The following ZFHX3 variants were observed in gnomAD, a reference collection of about 807,000 sequenced individuals.
ZFHX3 encodes the protein zinc finger homeobox 3, also known as zinc finger homeobox protein 3.
In ZFHX3, 42 loss-of-function variants were observed where a neutral mutation model predicts 279.1. The ratio of observed to expected loss-of-function variants is 0.15; its 90% CI spans 0.12 to 0.19. The LOEUF is 0.19. Among genes scored for constraint, ZFHX3 ranks in the 10% least tolerant of loss-of-function variants. The pLI is 1.00. For missense variants in ZFHX3, 4,981 were observed against 4,754.0 expected, an observed-to-expected ratio of 1.05 and a Z score of -1.40; for synonymous variants, 2,293 against 1,957.8, an observed-to-expected ratio of 1.17 and a Z score of -4.52.
intron 1 of ZFHX3, among the ~76,000 whole-genome samples, chr16:73,746,624 A>G (rs2053705923): frequency 6.6e-6 from 1 of 152,188 alleles, no homozygotes; most frequent in African/African-American, 2.4e-5. Flanking sequence ...ATGGAGGACC[A>G]ATTTTCTTAA....
intron 1 of ZFHX3, among the ~76,000 whole-genome samples, chr16:73,759,608 T>C (rs2053842949): frequency 6.6e-6 from 1 of 152,162 alleles, no homozygotes; most frequent in Non-Finnish European, 1.5e-5. Flanking sequence ...CTATTTTAGG[T>C]GAGATAAACT....
chr16:73,652,446 A>G (rs538203587), intron 2 of ZFHX3, among the ~76,000 whole-genome samples: 4 of 152,376 alleles, frequency 2.6e-5, no homozygotes, highest in South Asian at 4.1e-4. Context: ...AAGATTTGCC[A>G]CTGGAATATT....
intron 5 of ZFHX3, among the ~76,000 whole-genome samples, chr16:73,250,634 C>A (rs529837234): frequency 2.0e-5 from 3 of 152,162 alleles, no homozygotes; most frequent in Middle Eastern, 6.8e-3. Flanking sequence ...CCTGGATTCA[C>A]GCCATTCTTC....
At chr16:73,237,722 G>A (rs1307640048) in intron 5 of ZFHX3, among the ~76,000 whole-genome samples, 5 of 151,916 alleles carry the variant, frequency 3.3e-5, no homozygotes, top group African/African-American at 1.2e-4. Flanking sequence ...TCTTCACCAT[G>A]AGGTTTTTTT....
At chr16:72,869,788 T>C (rs1485174368) in intron 4 of ZFHX3, among the ~76,000 whole-genome samples, 1 of 152,244 alleles carries the variant, frequency 6.6e-6, no homozygotes, top group Non-Finnish European at 1.5e-5. Flanking sequence ...TCTCCAAGCA[T>C]ATCCTCACTA....
chr16:73,436,439 G>C (rs189205043), intron 3 of ZFHX3, among the ~76,000 whole-genome samples: 49 of 152,280 alleles, frequency 3.2e-4, no homozygotes, highest in South Asian at 1.7e-3. Context: ...TGAGAACCAA[G>C]TGAAAGGGGT....
chr16:73,570,578 A>G (rs1285931039), intron 2 of ZFHX3, among the ~76,000 whole-genome samples: 1 of 152,214 alleles, frequency 6.6e-6, no homozygotes, highest in East Asian at 1.9e-4. Context: ...GATCTTAAAA[A>G]CATGAGAAAG....
At chr16:73,352,303 A>G (rs2016257053) in intron 3 of ZFHX3, among the ~76,000 whole-genome samples, 1 of 152,120 alleles carries the variant, frequency 6.6e-6, no homozygotes, top group Admixed American at 6.5e-5. Context: ...TTTAATGACA[A>G]AAGGACAATC....
intron 4 of ZFHX3, among the ~76,000 whole-genome samples, chr16:72,878,304 T>C (rs769131799): frequency 1.3e-5 from 2 of 152,218 alleles, no homozygotes; most frequent in African/African-American, 2.4e-5. Context: ...CAAGGCTGCA[T>C]AGCAGATGGC....
chr16:73,208,316 T>C (rs908789984), intron 5 of ZFHX3, among the ~76,000 whole-genome samples: 1 of 152,218 alleles, frequency 6.6e-6, no homozygotes, highest in Non-Finnish European at 1.5e-5. Flanking sequence ...ACACAATACA[T>C]GTTTCTCATA....
intron 5 of ZFHX3, among the ~76,000 whole-genome samples, chr16:73,200,328 ATTT>A (rs1229942807): frequency 6.6e-6 from 1 of 152,102 alleles, no homozygotes; most frequent in Non-Finnish European, 1.5e-5. Context: ...ACTAGGAAAT[ATTT>A]TTTGTTTCAG....
At position 72,796,046 on chromosome 16, in the gene ZFHX3, A is replaced by G; in HGVS notation, c.6636T>C (p.Ser2212=). 1 of 1,614,182 alleles carries G rather than the reference A, an allele frequency of 6.2e-7. No homozygotes were observed. The highest frequency in any genetic ancestry group is 8.5e-7 in the Non-Finnish European group (1 of 1,180,042). Residue 2212 remains serine, a synonymous_variant, in exon 9 of 10, where the codon AGT becomes AGC. Coordinates refer to ENST00000268489, the MANE Select transcript of ZFHX3 (RefSeq NM_006885.4). ...QRNKDSPYNF[S]NPPITSLEEL... is the part of the protein sequence containing the mutation. ...CCTCCAGGCTGGTGATAGGAGGATT[A>G]CTGAAGTTGTAAGGGGAGTCCTTGT... is the stretch of plus-strand genomic sequence containing the variant.
At chr16:73,655,867 T>G (rs1240823768) in intron 2 of ZFHX3, among the ~76,000 whole-genome samples, 2 of 152,232 alleles carry the variant, frequency 1.3e-5, no homozygotes, top group Non-Finnish European at 2.9e-5. Context: ...TACTCCTGGG[T>G]ACATCCACTC....
At position 72,958,206 on chromosome 16, in the gene ZFHX3, G is replaced by C; in HGVS notation, c.1940C>G (p.Thr647Arg). Reference sequence around the variant, plus strand: ...CAGCGAGCGGGAGGAGCCCAGGACCGTGTCGCATTTGGGGCACTCCACGCC... The same window carrying C: ...CAGCGAGCGGGAGGAGCCCAGGACCCTGTCGCATTTGGGGCACTCCACGCC... ...GSGVECPKCD[T>R]VLGSSRSLGG... The change falls in exon 2 of 10, where the codon ACG (threonine) becomes AGG (arginine). Residue 647 changes from threonine (T) to arginine (R), a missense_variant. This residue lies in a region of ZFHX3 where 1,068 missense variants were observed against 935.2 expected (regional missense o/e 1.14). Transcript: ENST00000268489. 1 of 1,611,900 alleles carries C rather than the reference G, an allele frequency of 6.2e-7. No individual in the cohort carries two copies. The highest frequency in any genetic ancestry group is 1.1e-5 in the South Asian group (1 of 91,068).
In ZFHX3 at chr16:73,428,696, A is replaced by ATCC. The variant is rs2017856646; in HGVS notation, c.-1291+27306_-1291+27307insGGA. Among the ~76,000 whole-genome samples, 4 of 152,282 alleles carry ATCC rather than the reference A, an allele frequency of 2.6e-5. No individual in the cohort carries two copies. In the South Asian group the frequency reaches 8.3e-4, roughly 32 times the overall value. ...AATTAATAGACAGACAGAGAGATAG[A>ATCC]ATAAATATGGATCACTACAAGTCAT... On this transcript the variant is annotated intron_variant, in intron 3 of 17. Transcript: ENST00000641206.
intron 3 of ZFHX3, among the ~76,000 whole-genome samples, chr16:73,363,356 C>G (rs145340836): frequency 6.6e-6 from 1 of 152,302 alleles, no homozygotes; most frequent in African/African-American, 2.4e-5. Flanking sequence ...ATTTTAAAAA[C>G]GATTCCAAAT....
chr16:73,438,567 C>T (rs1001440325), intron 3 of ZFHX3, among the ~76,000 whole-genome samples: 7 of 152,164 alleles, frequency 4.6e-5, no homozygotes, highest in Non-Finnish European at 8.8e-5. Context: ...AAACAATAAA[C>T]ATCAAATGCA....
At chr16:73,877,638 TAGAA>T (rs1253509416) in intron 1 of ZFHX3, among the ~76,000 whole-genome samples, 2 of 151,954 alleles carry the variant, frequency 1.3e-5, no homozygotes, top group Admixed American at 1.3e-4. Flanking sequence ...TTAAAAATAA[TAGAA>T]AGAAACAGTA....
chr16:73,720,259 C>A (rs1239880334), intron 1 of ZFHX3, among the ~76,000 whole-genome samples: 1 of 152,110 alleles, frequency 6.6e-6, no homozygotes, highest in Non-Finnish European at 1.5e-5. Flanking sequence ...GACAATCTGG[C>A]AACATTTATC....
Sources: allele counts gnomAD v4.1 joint callset (sites outside exome capture counted in the v4.1 genomes callset), GRCh38; gene constraint gnomAD v4.1.1; regional missense constraint gnomAD v4.1.1; transcripts MANE v1.5; gene names NCBI Gene and HGNC (gene_info 2026-07-23, HGNC 2026-07-21).